The following TTBK2 variants were observed in gnomAD, a reference collection of about 807,000 sequenced individuals.
TTBK2 encodes the protein tau tubulin kinase 2.
A neutral mutation model predicts 110.8 loss-of-function variants in TTBK2; 28 were observed. The ratio of observed to expected loss-of-function variants is 0.25; its 90% confidence interval spans 0.19 to 0.35. The LOEUF (loss-of-function observed/expected upper bound fraction) is 0.35. Ranked by LOEUF, TTBK2 falls within the 10% of genes least tolerant of loss-of-function variation. The probability of loss-of-function intolerance (pLI) is 1.00; values close to 1 mark genes in which losing one functional copy is unlikely to be tolerated. For missense variants in TTBK2, 1,369 were observed against 1,500.3 expected, an observed-to-expected ratio of 0.91 and a Z score of 1.45; for synonymous variants, 532 against 527.3, an observed-to-expected ratio of 1.01 and a Z score of -0.12.
intron 3 of TTBK2, among the ~76,000 whole-genome samples, chr15:42,855,947 G>C (rs192040338): frequency 6.6e-6 from 1 of 152,304 alleles, no homozygotes; most frequent in Admixed American, 6.5e-5. Flanking sequence ...CTCCCAAAGT[G>C]CTAGGATTAC....
At chr15:42,867,240 C>T (rs1310354199) in intron 3 of TTBK2, among the ~76,000 whole-genome samples, 7 of 136,026 alleles carry the variant, frequency 5.1e-5, no homozygotes, top group South Asian at 4.6e-4. Context: ...AGGGAGACTC[C>T]GTCTCAAAAA....
At chr15:42,856,917 C>T (rs747491314) in intron 3 of TTBK2, among the ~76,000 whole-genome samples, 4 of 151,882 alleles carry the variant, frequency 2.6e-5, no homozygotes, top group South Asian at 2.1e-4. Flanking sequence ...AAAAATCAGC[C>T]GGATGTGGTG....
At chr15:42,843,777 A>G (rs1893338827) in intron 3 of TTBK2, among the ~76,000 whole-genome samples, 1 of 144,324 alleles carries the variant, frequency 6.9e-6, no homozygotes, top group Non-Finnish European at 1.5e-5. Flanking sequence ...AAAAAAAAAA[A>G]AAAAAGATTT....
At chr15:42,793,220 T>TA (rs1890774697) in intron 10 of TTBK2, among the ~76,000 whole-genome samples, 1 of 152,180 alleles carries the variant, frequency 6.6e-6, no homozygotes, top group Admixed American at 6.5e-5. Context: ...AGGTCTAGGG[T>TA]AGGTCCCAGG....
chr15:42,914,982 G>A (rs956068661), intron 1 of TTBK2, among the ~76,000 whole-genome samples: 1 of 152,130 alleles, frequency 6.6e-6, no homozygotes, highest in African/African-American at 2.4e-5. Flanking sequence ...TATTTGTCTT[G>A]TTGGCTGTTA....
At chr15:42,902,803 G>A (rs533684577) in intron 1 of TTBK2, among the ~76,000 whole-genome samples, 1 of 151,996 alleles carries the variant, frequency 6.6e-6, no homozygotes, top group South Asian at 2.1e-4. Flanking sequence ...GACCAGCCTG[G>A]GCAACGTGGC....
At chr15:42,865,783 G>A (rs530190830) in intron 3 of TTBK2, among the ~76,000 whole-genome samples, 15 of 152,088 alleles carry the variant, frequency 9.9e-5, no homozygotes, top group Admixed American at 3.3e-4. Flanking sequence ...TGATCACACC[G>A]CTGTACTCTA....
At chr15:42,821,198 T>C (rs141963693) in intron 6 of TTBK2, among the ~76,000 whole-genome samples, 198 of 152,286 alleles carry the variant, frequency 1.3e-3, no homozygotes, top group African/African-American at 4.7e-3. Context: ...ATTTATTGTA[T>C]GTGAATAAAG....
intron 4 of TTBK2, among the ~76,000 whole-genome samples, chr15:42,835,763 G>C (rs1311043641): frequency 2.6e-5 from 4 of 151,238 alleles, no homozygotes; most frequent in Non-Finnish European, 4.4e-5. Context: ...TTGTCTTCTA[G>C]AAATGTATAT....
chr15:42,854,858 GA>G (rs1250587542), intron 3 of TTBK2, among the ~76,000 whole-genome samples: 1 of 151,412 alleles, frequency 6.6e-6, no homozygotes, highest in Non-Finnish European at 1.5e-5. Flanking sequence ...TTCTTACTCA[GA>G]AAAAAAATCA....
Position 42,744,481 on chromosome 15 carries a change from A to G in TTBK2, c.*1314T>C, listed in dbSNP as rs1236974442. 1 of 152,244 alleles carries G rather than the reference A, an allele frequency of 6.6e-6. No individual in the cohort carries two copies. Among genetic ancestry groups the G allele is most frequent in the Non-Finnish European group, 1.5e-5 (1 of 68,022 alleles). The allele number at this position is 152,244 out of a possible 1,614,324, so 9.4% of individuals were successfully genotyped here. A position where few individuals can be genotyped will look rare whatever the true frequency, so the allele number is the denominator to read the frequency against. ...ACCTTAATAAGGTCTTTACAACACA[A>G]AACACCTAGAGAGTATAAAAACAGC... is the stretch of plus-strand genomic sequence containing the variant. On this transcript the variant is annotated 3_prime_UTR_variant, in exon 15 of 15. Coordinates refer to ENST00000267890, the MANE Select transcript of TTBK2 (RefSeq NM_173500.4).
chr15:42,830,190 AT>A (rs397853724), intron 4 of TTBK2, 112 bp from the exon 5 acceptor site: 140,059 of 1,006,690 alleles, frequency 0.14, 4 homozygotes, highest in South Asian at 0.2. Context: ...AATAGCAAGA[AT>A]TTTTTTTTTT....
intron 1 of TTBK2, among the ~76,000 whole-genome samples, chr15:42,888,587 T>C (rs1387614457): frequency 1.3e-5 from 2 of 152,200 alleles, no homozygotes; most frequent in South Asian, 2.1e-4. Context: ...GCCGAACTCA[T>C]TGCCTTAACT....
At chr15:42,819,965 T>C (rs945628498) in intron 6 of TTBK2, among the ~76,000 whole-genome samples, 1 of 152,194 alleles carries the variant, frequency 6.6e-6, no homozygotes, top group African/African-American at 2.4e-5. Flanking sequence ...CCACAGTTGA[T>C]TGGGCATCTA....
intron 1 of TTBK2, among the ~76,000 whole-genome samples, chr15:42,919,301 A>G (rs1243454908): frequency 2.0e-5 from 3 of 152,212 alleles, no homozygotes; most frequent in Admixed American, 2.0e-4. Flanking sequence ...AAAAGGAAAT[A>G]AAGCAAGCAA....
chr15:42,768,764 A>T (rs1889512095), intron 13 of TTBK2, among the ~76,000 whole-genome samples: 1 of 152,230 alleles, frequency 6.6e-6, no homozygotes, highest in South Asian at 2.1e-4. Flanking sequence ...AAACTACTTT[A>T]AAGTTCATAT....
At chr15:42,773,828 G>A (rs1755374906) in intron 13 of TTBK2, among the ~76,000 whole-genome samples, 1 of 151,654 alleles carries the variant, frequency 6.6e-6, no homozygotes, top group African/African-American at 2.4e-5. Context: ...GAGGGAGTTA[G>A]TAGTTACCTC....
chr15:42,806,840 A>T (rs1891489630), intron 9 of TTBK2, among the ~76,000 whole-genome samples: 1 of 150,250 alleles, frequency 6.7e-6, no homozygotes, highest in African/African-American at 2.5e-5. Flanking sequence ...TTGGCTCATC[A>T]GCTATCATTA....
chr15:42,760,395 A>C (rs866745155), intron 13 of TTBK2, among the ~76,000 whole-genome samples: 3,725 of 151,150 alleles, frequency 0.025, 90 homozygotes, highest in Non-Finnish European at 0.036. Context: ...AAAAAAAAAA[A>C]AAAAAAAACA....
Sources: gnomAD v4.1 joint callset for allele counts (sites outside exome capture counted in the v4.1 genomes callset) on GRCh38, gnomAD v4.1.1 for gene constraint, MANE v1.5 for transcripts, NCBI Gene and HGNC (gene_info 2026-07-23, HGNC 2026-07-21) for gene names.